Variants in NTM observed in about 807,000 individuals in gnomAD.
The protein encoded by NTM is neurotrimin.
Under a neutral mutation model 42.1 loss-of-function variants are expected in NTM, and 13 were observed. The observed-to-expected ratio is 0.31, with a 90% confidence interval of 0.20 to 0.49. NTM has a LOEUF of 0.49. NTM is among the 20% of genes least tolerant of loss of function. The pLI is 0.99. For missense variants in NTM, 373 were observed against 452.8 expected (o/e 0.82, Z 1.60); for synonymous variants, 187 against 179.2 (o/e 1.04, Z -0.35).
chr11:131,924,442 T>C (rs2057672909), intron 2 of NTM, among the ~76,000 whole-genome samples: 1 of 152,206 alleles, frequency 6.6e-6, no homozygotes, highest in Non-Finnish European at 1.5e-5. Context: ...TAAGTTTTTT[T>C]ATTTTTCCCC....
chr11:131,390,790 C>A (rs576162164), intron 1 of NTM, among the ~76,000 whole-genome samples: 108 of 152,230 alleles, frequency 7.1e-4, no homozygotes, highest in African/African-American at 2.5e-3. Context: ...AGCCCCACCC[C>A]CAGAGAGCCC....
rs1555127949 is a variant in NTM, at chr11:131,789,636, A to AGAAGAAGAAGAG, written c.83-121928_83-121927insGAAGAAGAAGAG. On this transcript the variant is annotated intron_variant, in intron 1 of 8. Transcript: ENST00000683400. The stretch of plus-strand genomic sequence containing the variant: ...AAGAAGAAGAAGAAGAAGAAGAAGA[A>AGAAGAAGAAGAG]AAGAAGAAGAAGAAGAAGAAGAAGA... Among the ~76,000 whole-genome samples the AGAAGAAGAAGAG allele has an allele frequency of 1.9e-4, 6 of 30,900 alleles. 1 individual carries two copies. In the South Asian group the frequency reaches 2.5e-3, roughly 13 times the overall value. 20.3% of individuals were successfully genotyped at this position (30,900 alleles called of 152,430 possible). A position where few individuals can be genotyped will look rare whatever the true frequency, so the allele number is the denominator to read the frequency against.
At chr11:131,889,382 A>AC (rs773353963) in intron 1 of NTM, among the ~76,000 whole-genome samples, 9 of 151,952 alleles carry the variant, frequency 5.9e-5, no homozygotes, top group Non-Finnish European at 1.2e-4. Flanking sequence ...CCCAGCCCAT[A>AC]CCCCCAGCCA....
intron 2 of NTM, among the ~76,000 whole-genome samples, chr11:131,990,838 A>G (rs1212680161): frequency 6.6e-6 from 1 of 152,192 alleles, no homozygotes; most frequent in East Asian, 1.9e-4. Context: ...ACTGAGCTCT[A>G]TAAACTATTT....
At chr11:131,642,328 C>T (rs1592333478) in intron 1 of NTM, among the ~76,000 whole-genome samples, 2 of 152,166 alleles carry the variant, frequency 1.3e-5, no homozygotes, top group African/African-American at 2.4e-5. Context: ...GTACTTCATT[C>T]TGGAAACTGG....
At chr11:131,783,825 G>A (rs562747957) in intron 1 of NTM, among the ~76,000 whole-genome samples, 1 of 152,260 alleles carries the variant, frequency 6.6e-6, no homozygotes, top group African/African-American at 2.4e-5. Flanking sequence ...CTCTGTGGAT[G>A]TGTAAAGAAA....
intron 1 of NTM, among the ~76,000 whole-genome samples, chr11:131,657,340 C>A (rs560887804): frequency 6.6e-6 from 1 of 151,994 alleles, no homozygotes; most frequent in African/African-American, 2.4e-5. Flanking sequence ...AGAACTATGC[C>A]GTGCAGGAAG....
chr11:131,997,599 A>G (rs186144109), intron 2 of NTM, among the ~76,000 whole-genome samples: 1 of 152,174 alleles, frequency 6.6e-6, no homozygotes, highest in Non-Finnish European at 1.5e-5. Flanking sequence ...AATTTTCTGA[A>G]CCATGTGGAA....
At chr11:132,230,760 A>C (rs2087372293) in intron 4 of NTM, among the ~76,000 whole-genome samples, 1 of 152,188 alleles carries the variant, frequency 6.6e-6, no homozygotes, top group Admixed American at 6.5e-5. Context: ...GTGGTGGCGC[A>C]CACCTGTAAT....
At chr11:131,581,193 G>T (rs934515095) in intron 1 of NTM, among the ~76,000 whole-genome samples, 3 of 152,230 alleles carry the variant, frequency 2.0e-5, no homozygotes, top group Non-Finnish European at 2.9e-5. Flanking sequence ...GGTGGGCGGA[G>T]CCCACTGCTC....
At chr11:131,794,623 T>TGGAA (rs2091337799) in intron 1 of NTM, 1 of 940,006 alleles carries the variant, frequency 1.1e-6, no homozygotes, top group African/African-American at 1.8e-5. Flanking sequence ...TGGATGAGTG[T>TGGAA]TGAATGAATG....
chr11:131,865,320 G>A (rs897670814), intron 1 of NTM, among the ~76,000 whole-genome samples: 1 of 152,184 alleles, frequency 6.6e-6, no homozygotes, highest in African/African-American at 2.4e-5. Flanking sequence ...CAGTTTGCCA[G>A]GTAACAATGT....
chr11:131,938,704 A>G (rs899078230), intron 2 of NTM, among the ~76,000 whole-genome samples: 2 of 152,178 alleles, frequency 1.3e-5, no homozygotes, highest in Non-Finnish European at 2.9e-5. Flanking sequence ...TGTGCCTATA[A>G]GAGGTGGTGG....
rs114746361 is a variant in NTM, at chr11:131,867,547, C to T, written c.83-44017C>T. ...TTGTGTAAGTGTATCTGTGTGTGTGCGTGTTTGGGTGTCTGTGTGTGTCTG... is the reference window on the plus strand; with the variant it reads ...TTGTGTAAGTGTATCTGTGTGTGTGTGTGTTTGGGTGTCTGTGTGTGTCTG... On this transcript the variant is annotated intron_variant, in intron 1 of 8. Transcript: ENST00000683400. Among the ~76,000 whole-genome samples, 1,304 of 150,122 alleles carry T rather than the reference C, an allele frequency of 8.7e-3. 17 individuals are homozygous for T. The highest frequency in any genetic ancestry group is 0.03 in the African/African-American group (1,229 of 40,866).
intron 4 of NTM, among the ~76,000 whole-genome samples, chr11:132,270,905 A>T (rs557312661): frequency 5.3e-5 from 8 of 152,204 alleles, no homozygotes; most frequent in Non-Finnish European, 1.2e-4. Context: ...TTGAGATATG[A>T]TTAACATAGC....
At chr11:132,180,634 T>C (rs2077434594) in intron 3 of NTM, among the ~76,000 whole-genome samples, 3 of 152,110 alleles carry the variant, frequency 2.0e-5, no homozygotes, top group South Asian at 4.1e-4. Flanking sequence ...ACAAACCCTC[T>C]CAAGCTCTCA....
At chr11:131,520,655 C>A (rs2049511652) in intron 1 of NTM, among the ~76,000 whole-genome samples, 1 of 152,078 alleles carries the variant, frequency 6.6e-6, no homozygotes, top group African/African-American at 2.4e-5. Context: ...TGATTCTATC[C>A]TTTGTGTCTT....
intron 1 of NTM, among the ~76,000 whole-genome samples, chr11:131,857,013 A>G (rs2046176480): frequency 6.6e-6 from 1 of 152,098 alleles, no homozygotes; most frequent in Admixed American, 6.5e-5. Context: ...CTTTTTATAT[A>G]ATCTTAAAGT....
intron 1 of NTM, among the ~76,000 whole-genome samples, chr11:131,647,677 T>C (rs1320994315): frequency 6.6e-6 from 1 of 152,224 alleles, no homozygotes; most frequent in Non-Finnish European, 1.5e-5. Context: ...TCCAAAATTA[T>C]ATGATTTGTA....
Sources: allele counts gnomAD v4.1 joint callset (sites outside exome capture counted in the v4.1 genomes callset), GRCh38; gene constraint gnomAD v4.1.1; transcripts MANE v1.5; gene names NCBI Gene and HGNC (gene_info 2026-07-23, HGNC 2026-07-21).